Variants in KIAA0513 observed in about 807,000 individuals in gnomAD.
KIAA0513 encodes uncharacterized protein KIAA0513.
In KIAA0513, 39 loss-of-function variants were observed where a neutral mutation model predicts 56.5. The observed-to-expected ratio is 0.69, with a 90% confidence interval of 0.53 to 0.90. The LOEUF is 0.90. KIAA0513 is among the 40% of genes least tolerant of loss of function. The pLI, the probability that KIAA0513 is intolerant of heterozygous loss-of-function variation, is 0.00. For synonymous variants in KIAA0513, 268 were observed against 215.6 expected (o/e 1.24, Z -2.13); for missense variants, 591 against 535.2 (o/e 1.10, Z -1.03).
intron 1 of KIAA0513, among the ~76,000 whole-genome samples, chr16:85,051,774 T>C (rs778648903): frequency 2.4e-4 from 36 of 151,550 alleles, no homozygotes; most frequent in Admixed American, 4.6e-4. Flanking sequence ...TGGGATTTCT[T>C]TGGATGCTCT....
intron 1 of KIAA0513, among the ~76,000 whole-genome samples, chr16:85,048,484 G>C (rs1567526247): frequency 6.6e-6 from 1 of 152,050 alleles, no homozygotes; most frequent in Non-Finnish European, 1.5e-5. Context: ...TCTCAAAGCA[G>C]ATCTCTCTCT....
At chr16:85,032,626 A>G (rs978167439) in intron 1 of KIAA0513, among the ~76,000 whole-genome samples, 2 of 151,680 alleles carry the variant, frequency 1.3e-5, no homozygotes, top group East Asian at 1.9e-4. Flanking sequence ...AACTAATTAC[A>G]TCCACAAAGA....
chr16:85,063,458 GT>G (rs2143990869), intron 1 of KIAA0513: 1 of 152,350 alleles, frequency 6.6e-6, no homozygotes, highest in African/African-American at 2.4e-5. Flanking sequence ...TAGAGACAGG[GT>G]TTCGCCATGT....
chr16:85,080,073 T>A (rs1218630475), intron 8 of KIAA0513, among the ~76,000 whole-genome samples: 1 of 152,194 alleles, frequency 6.6e-6, no homozygotes, highest in Admixed American at 6.5e-5. Flanking sequence ...CTTGAGGAGC[T>A]TGGCCAGGGA....
In KIAA0513 at chr16:85,088,359, GC is replaced by G; in HGVS notation, c.*36del. 6.3e-7 allele frequency: 1 copy of G among 1,591,220 alleles called. No homozygotes were observed. Among genetic ancestry groups the G allele is most frequent in the Non-Finnish European group, 8.6e-7 (1 of 1,167,258 alleles). On this transcript the variant is annotated 3_prime_UTR_variant, in exon 13 of 13. Coordinates refer to ENST00000683363, the MANE Select transcript of KIAA0513 (RefSeq NM_001388359.1). ...GGTCGCACTCCGCAGGAGGACTGAG[GC>G]CATGTGCCATTCTCCCGGGCCCAGC...
intron 1 of KIAA0513, among the ~76,000 whole-genome samples, chr16:85,045,177 T>C (rs1011955526): frequency 1.3e-5 from 2 of 152,068 alleles, no homozygotes; most frequent in African/African-American, 4.8e-5. Context: ...ATCATGTCAA[T>C]GGTCTGTAGC....
At chr16:85,061,778 T>C (rs2073408552) in intron 1 of KIAA0513, among the ~76,000 whole-genome samples, 1 of 152,114 alleles carries the variant, frequency 6.6e-6, no homozygotes, top group Non-Finnish European at 1.5e-5. Flanking sequence ...GTGAGTTCCT[T>C]CTACAGCTGG....
intron 10 of KIAA0513, among the ~76,000 whole-genome samples, chr16:85,085,010 C>G (rs1407461720): frequency 1.3e-5 from 2 of 152,250 alleles, no homozygotes; most frequent in East Asian, 3.8e-4. Context: ...TCATTTGGCT[C>G]AGGAAGAGGA....
intron 1 of KIAA0513, among the ~76,000 whole-genome samples, chr16:85,038,923 C>T (rs1279409691): frequency 6.6e-6 from 1 of 152,152 alleles, no homozygotes; most frequent in African/African-American, 2.4e-5. Context: ...CGCATGTGGC[C>T]AGCGGCTACC....
chr16:85,052,823 G>A (rs974470376), intron 1 of KIAA0513, among the ~76,000 whole-genome samples: 5 of 152,206 alleles, frequency 3.3e-5, no homozygotes, highest in Admixed American at 1.3e-4. Flanking sequence ...CTCAGCAAGC[G>A]CGCCCTCAAG....
Position 85,076,440 on chromosome 16 carries a change from G to A in KIAA0513, c.574+526G>A, listed in dbSNP as rs535026771. Among the ~76,000 whole-genome samples, 5 of 152,130 alleles carry A rather than the reference G, an allele frequency of 3.3e-5. No homozygotes were observed. The highest frequency in any genetic ancestry group is 4.8e-5 in the African/African-American group (2 of 41,428). ...CGCCTCATTGCGTTGGCACTTTCTC[G>A]TATGTTGGAGCTCAAGGGCTTCCTG... On this transcript the variant is annotated intron_variant, in intron 5 of 12. Transcript: ENST00000683363. This position sits in a 1 kb window ranked among gnomAD's most constrained non-coding sequence, Gnocchi z 4.7.
chr16:85,073,333 T>C lies in KIAA0513; in HGVS notation c.503+335T>C, dbSNP rs181024606. ...GATCTGGTACTTTCCCGAGTTCCTA[T>C]TGTAGAGTACTTCAAACTCAACCAC... On this transcript the variant is annotated intron_variant, in intron 4 of 12. Transcript: ENST00000683363. Among the ~76,000 whole-genome samples, 1,322 of 152,338 alleles carry C rather than the reference T, an allele frequency of 8.7e-3. 30 individuals carry two copies. Among genetic ancestry groups the C allele is most frequent in the Non-Finnish European group, 8.0e-3 (542 of 68,034 alleles).
intron 1 of KIAA0513, among the ~76,000 whole-genome samples, chr16:85,034,801 CTG>C (rs988730502): frequency 4.5e-4 from 68 of 152,298 alleles, no homozygotes; most frequent in African/African-American, 1.6e-3. Flanking sequence ...GATGAGAAAA[CTG>C]AGGCATAGAG....
chr16:85,093,422 C>T lies in KIAA0513; in HGVS notation c.*5097C>T, dbSNP rs1022698900. On this transcript the variant is annotated 3_prime_UTR_variant, in exon 13 of 13. Coordinates refer to ENST00000683363, the MANE Select transcript of KIAA0513 (RefSeq NM_001388359.1). Reference sequence around the variant, plus strand: ...CCCAGCTCCCCACTTTATCTGCAGACTCTGGGACCTGACAAAACAGTCAGA... The same window carrying T: ...CCCAGCTCCCCACTTTATCTGCAGATTCTGGGACCTGACAAAACAGTCAGA... The T allele has an allele frequency of 6.6e-6, 1 of 152,592 alleles. No homozygotes were observed. The highest frequency in any genetic ancestry group is 1.5e-5 in the Non-Finnish European group (1 of 68,056). The allele number at this position is 152,592 out of a possible 1,614,324, so 9.5% of individuals were successfully genotyped here.
chr16:85,036,867 G>A (rs943984160), intron 1 of KIAA0513, among the ~76,000 whole-genome samples: 1 of 152,166 alleles, frequency 6.6e-6, no homozygotes, highest in African/African-American at 2.4e-5. Flanking sequence ...GCCATGCAGC[G>A]GCAGCGTGTG....
At chr16:85,075,486 A>C (rs1567541829) in intron 4 of KIAA0513, among the ~76,000 whole-genome samples, 1 of 152,150 alleles carries the variant, frequency 6.6e-6, no homozygotes, top group Non-Finnish European at 1.5e-5. Context: ...CCGAGAAATC[A>C]AGGGCTGGAG....
In KIAA0513 at chr16:85,031,264, T is replaced by C. The variant is rs367962877; in HGVS notation, c.-173+3406T>C. ...TAGGGGCCAGGGTGGGCGGATCACT[T>C]GAGCCCAGGAGTTCAAGATCAGCCT... On this transcript the variant is annotated intron_variant, in intron 1 of 12. Transcript: ENST00000683363. 5.4e-4 allele frequency among the ~76,000 whole-genome samples: 82 copies of C among 152,254 alleles called. 2 individuals are homozygous for C. In the South Asian group the frequency reaches 0.016, roughly 30 times the overall value.
intron 8 of KIAA0513, 144 bp downstream of exon 8, chr16:85,079,147 A>G: frequency 1.4e-6 from 2 of 1,480,922 alleles, no homozygotes; most frequent in African/African-American, 2.8e-5. Context: ...AAAGATGAAC[A>G]CTCACAGGCG....
At chr16:85,069,339 G>T (rs1003506673) in intron 2 of KIAA0513, among the ~76,000 whole-genome samples, 2 of 152,024 alleles carry the variant, frequency 1.3e-5, no homozygotes, top group African/African-American at 4.8e-5. Context: ...ACTCCCCGAA[G>T]TGCTGGGATG....
Sources: gnomAD v4.1 joint callset for allele counts (sites outside exome capture counted in the v4.1 genomes callset) on GRCh38, gnomAD v4.1.1 for gene constraint, Gnocchi (gnomAD v3.1) non-coding constraint, MANE v1.5 for transcripts, NCBI Gene and HGNC (gene_info 2026-07-23, HGNC 2026-07-21) for gene names.